Variants in PTPRT observed in about 807,000 individuals in gnomAD.
PTPRT encodes protein tyrosine phosphatase receptor type T, also known as receptor-type tyrosine-protein phosphatase T.
Under a neutral mutation model 176.8 loss-of-function variants are expected in PTPRT, and 56 were observed. That is an observed-to-expected ratio of 0.32 (90% CI 0.26 to 0.40). The LOEUF (loss-of-function observed/expected upper bound fraction) is 0.40, where lower values mean the gene tolerates loss of function less well. Among genes scored for constraint, PTPRT ranks in the 10% least tolerant of loss-of-function variants. The probability of loss-of-function intolerance (pLI) is 1.00; values close to 1 mark genes in which losing one functional copy is unlikely to be tolerated. For missense variants in PTPRT, 1,540 were observed against 1,908.2 expected (o/e 0.81, Z 3.60); for synonymous variants, 783 against 739.0 (o/e 1.06, Z -0.96).
rs1189303651 is a variant in PTPRT at position 42,199,324 on chromosome 20, A to G, written c.2407T>C (p.Ser803Pro). ...AGCTTGGTGGTGGGTTTGTCGGCAG[A>G]GGCCACAGGCCCCATCTCCCTCTGG... The part of the protein sequence containing the change: ...GAQREMGPVA[S>P]ADKPTTKLSA... Residue 803 changes from serine to proline, a missense_variant, in exon 16 of 31, where the codon TCT becomes CCT. Ser to Pro is a moderately conservative substitution (Grantham distance 74, BLOSUM62 -1). This residue lies in a region of PTPRT where 255 missense variants were observed against 250.1 expected (regional missense o/e 1.02). Transcript: ENST00000373187. 1.9e-6 allele frequency: 3 copies of G among 1,614,180 alleles called. No homozygotes were observed.
In PTPRT at chr20:42,903,323, C is replaced by T. The variant is rs78393727; in HGVS notation, c.89-17391G>A. On this transcript the variant is annotated intron_variant, in intron 1 of 30. Coordinates refer to ENST00000373187, the MANE Select transcript of PTPRT (RefSeq NM_007050.6). ...TACAGTTGTGGATTCTGACTGTTTT[C>T]CTTCTCCAAAAGCCATCATCTTTCT... 1.4e-4 allele frequency among the ~76,000 whole-genome samples: 21 copies of T among 152,312 alleles called. No individual in the cohort carries two copies. In the East Asian group the frequency reaches 4.1e-3, roughly 29 times the overall value.
At chr20:42,923,716 C>A (rs76342741) in intron 1 of PTPRT, among the ~76,000 whole-genome samples, 2,861 of 152,344 alleles carry the variant, frequency 0.019, 104 homozygotes, top group African/African-American at 0.065. Flanking sequence ...GTCCCAGGTA[C>A]TCCACGTGCA....
At chr20:42,472,179 A>G (rs951181303) in intron 8 of PTPRT, 87 bp downstream of exon 8, 18 of 1,438,200 alleles carry the variant, frequency 1.3e-5, no homozygotes, top group Non-Finnish European at 1.7e-5. Context: ...AAATGTAGGA[A>G]AAATAAAAGC....
chr20:42,664,252 G>C (rs1023817055), intron 7 of PTPRT, among the ~76,000 whole-genome samples: 1 of 152,080 alleles, frequency 6.6e-6, no homozygotes, highest in African/African-American at 2.4e-5. Flanking sequence ...TTTAAAGTTA[G>C]AGCTTTTTAT....
rs903780833 is a variant in PTPRT at position 42,131,381 on chromosome 20, AT to A, written c.2771-2552del. ...TCAGTGGTCTCATTATGACTTACTGATTCAGAAATCTCCTTTATTTGTTGAG... is the reference window on the plus strand; with the variant it reads ...TCAGTGGTCTCATTATGACTTACTGATCAGAAATCTCCTTTATTTGTTGAG... On this transcript the variant is annotated intron_variant, in intron 18 of 30. Transcript: ENST00000373187. 1.2e-4 allele frequency among the ~76,000 whole-genome samples: 19 copies of A among 152,336 alleles called. No individual in the cohort carries two copies. In the East Asian group the frequency reaches 3.7e-3, roughly 29 times the overall value.
At chr20:42,230,475 C>A (rs1323566670) in intron 15 of PTPRT, among the ~76,000 whole-genome samples, 1 of 152,152 alleles carries the variant, frequency 6.6e-6, no homozygotes, top group Non-Finnish European at 1.5e-5. Flanking sequence ...TTTAAAAAGG[C>A]AAACACTGAA....
rs763313429 is a variant in PTPRT, at chr20:42,073,252, C to A, written c.*7627G>T. 137 of 189,450 alleles carry A rather than the reference C, an allele frequency of 7.2e-4. No homozygotes were observed. Among genetic ancestry groups the A allele is most frequent in the Non-Finnish European group, 4.1e-4 (37 of 89,966 alleles). The allele number at this position is 189,450 out of a possible 1,614,324, so 11.7% of individuals were successfully genotyped here. On this transcript the variant is annotated 3_prime_UTR_variant, in exon 31 of 31. Coordinates refer to ENST00000373187, the MANE Select transcript of PTPRT (RefSeq NM_007050.6). ...GCCAAGGCAATGGTAGAGGCCACAA[C>A]TCTTTGTCTTTGATTGGCTAGTAGA... is the stretch of plus-strand genomic sequence containing the variant.
Position 42,352,261 on chromosome 20 carries a change from G to GCGAGC in PTPRT, c.1580_1584dup (p.Leu529AlafsTer74). 1 of 1,614,170 alleles carries GCGAGC rather than the reference G, an allele frequency of 6.2e-7. No homozygotes were observed. Among genetic ancestry groups the GCGAGC allele is most frequent in the Non-Finnish European group, 8.5e-7 (1 of 1,180,022 alleles). ...CTCGAGAGGTCAGCACTTGGGTCCA[G>GCGAGC]CGAGCCGACAGCCTTGTAGTTGATC... On this transcript the variant is annotated frameshift_variant, in exon 10 of 31. Transcript: ENST00000373187. LOFTEE classifies it high-confidence loss of function.
At chr20:42,208,995 C>G (rs1001341150) in intron 15 of PTPRT, among the ~76,000 whole-genome samples, 2 of 152,306 alleles carry the variant, frequency 1.3e-5, no homozygotes, top group Non-Finnish European at 2.9e-5. Context: ...AAGAATCTCA[C>G]TCAAAACCGC....
intron 7 of PTPRT, among the ~76,000 whole-genome samples, chr20:42,668,133 G>C (rs2075348951): frequency 6.6e-6 from 1 of 152,086 alleles, no homozygotes; most frequent in Admixed American, 6.5e-5. Context: ...CTAAGTAGGT[G>C]GTGGGGGGAA....
chr20:42,764,503 A>G (rs2076956578), intron 5 of PTPRT, among the ~76,000 whole-genome samples: 1 of 152,246 alleles, frequency 6.6e-6, no homozygotes, highest in African/African-American at 2.4e-5. Flanking sequence ...CTGTTTTTAA[A>G]TAGAAAGCCT....
chr20:42,440,693 G>A (rs1019401283), intron 9 of PTPRT, among the ~76,000 whole-genome samples: 4 of 152,014 alleles, frequency 2.6e-5, no homozygotes, highest in Non-Finnish European at 5.9e-5. Flanking sequence ...TAGCCAGGAT[G>A]GTCTCGATCT....
chr20:42,135,316 G>A (rs1204770658), intron 18 of PTPRT, among the ~76,000 whole-genome samples: 1 of 152,248 alleles, frequency 6.6e-6, no homozygotes, highest in Non-Finnish European at 1.5e-5. Flanking sequence ...CACCTGGTAT[G>A]TTGTAAGAAA....
intron 1 of PTPRT, among the ~76,000 whole-genome samples, chr20:43,032,154 G>A (rs1411454808): frequency 6.6e-6 from 1 of 152,090 alleles, no homozygotes; most frequent in African/African-American, 2.4e-5. Context: ...CTTGTCTGAG[G>A]CACATAACAT....
At position 42,417,884 on chromosome 20, in the gene PTPRT, T is replaced by C. The variant is rs1354122199; in HGVS notation, c.1560+30336A>G. Among the ~76,000 whole-genome samples, 12 of 151,962 alleles carry C rather than the reference T, an allele frequency of 7.9e-5. 1 individual carries two copies. Among genetic ancestry groups the C allele is most frequent in the Non-Finnish European group, 1.5e-5 (1 of 68,008 alleles). On this transcript the variant is annotated intron_variant, in intron 9 of 30. Coordinates refer to ENST00000373187, the MANE Select transcript of PTPRT (RefSeq NM_007050.6). ...TCCTGAGGAGTTGAGATGACAGGCA[T>C]GAGCCACTGCACCCAGCTAATGTTT...
At chr20:42,906,473 T>C (rs1261739734) in intron 1 of PTPRT, among the ~76,000 whole-genome samples, 1 of 152,150 alleles carries the variant, frequency 6.6e-6, no homozygotes, top group Non-Finnish European at 1.5e-5. Context: ...TCTTCCAGTA[T>C]ATCAAGGCAA....
At chr20:42,335,662 G>T (rs2058029749) in intron 11 of PTPRT, among the ~76,000 whole-genome samples, 1 of 152,172 alleles carries the variant, frequency 6.6e-6, no homozygotes, top group Non-Finnish European at 1.5e-5. Context: ...TGAGGGAGTT[G>T]TTCTGTTTTG....
At chr20:42,437,350 CTG>C (rs1228678377) in intron 9 of PTPRT, among the ~76,000 whole-genome samples, 1 of 152,166 alleles carries the variant, frequency 6.6e-6, no homozygotes, top group African/African-American at 2.4e-5. Flanking sequence ...AATGTGGAAA[CTG>C]AGGCCCAGGT....
intron 16 of PTPRT, among the ~76,000 whole-genome samples, chr20:42,181,770 G>T (rs1369525254): frequency 3.3e-5 from 5 of 152,162 alleles, no homozygotes; most frequent in Admixed American, 6.6e-5. Context: ...GACAGAAGTT[G>T]TCTATGCAAT....
Sources: allele counts gnomAD v4.1 joint callset (sites outside exome capture counted in the v4.1 genomes callset), GRCh38; gene constraint gnomAD v4.1.1; regional missense constraint gnomAD v4.1.1; transcripts MANE v1.5; gene names NCBI Gene and HGNC (gene_info 2026-07-23, HGNC 2026-07-21).